Variants in SAP130 observed in about 807,000 individuals in gnomAD.
SAP130 encodes the protein histone deacetylase complex subunit SAP130.
In SAP130, 16 loss-of-function variants were observed where a neutral mutation model predicts 103.2. The observed-to-expected ratio is 0.16, with a 90% CI of 0.10 to 0.24. The LOEUF (loss-of-function observed/expected upper bound fraction) is 0.24. Among genes scored for constraint, SAP130 ranks in the 10% least tolerant of loss-of-function variants. The probability of loss-of-function intolerance (pLI) is 1.00; values close to 1 mark genes in which losing one functional copy is unlikely to be tolerated. For synonymous variants in SAP130, 477 were observed against 497.0 expected (o/e 0.96, Z 0.53); for missense variants, 990 against 1,359.7 (o/e 0.73, Z 4.28).
intron 1 of SAP130, among the ~76,000 whole-genome samples, chr2:128,026,904 C>G (rs981920488): frequency 1.3e-5 from 2 of 152,190 alleles, no homozygotes; most frequent in Admixed American, 1.3e-4. Context: ...AATCGCCCCC[C>G]ACTTTTCCCT....
In SAP130 at chr2:127,989,266, T is replaced by C. The variant is rs1300376629; in HGVS notation, c.1780+298A>G. Among the ~76,000 whole-genome samples, 2 of 151,800 alleles carry C rather than the reference T, an allele frequency of 1.3e-5. No homozygotes were observed. Among genetic ancestry groups the C allele is most frequent in the African/African-American group, 4.8e-5 (2 of 41,306 alleles). On this transcript the variant is annotated intron_variant, in intron 13 of 20. Coordinates refer to ENST00000643581, the MANE Select transcript of SAP130 (RefSeq NM_001330301.2). The surrounding 1 kb of genome is among the most constrained non-coding windows in gnomAD (Gnocchi z 4.6). Reference sequence around the variant, plus strand: ...GGCCCCCGCCACCACGCCTGGCTAATTTTTTTGTATTTTTAGTAGACAGGG... The same window carrying C: ...GGCCCCCGCCACCACGCCTGGCTAACTTTTTTGTATTTTTAGTAGACAGGG...
intron 1 of SAP130, chr2:128,027,298 C>A: frequency 1.7e-6 from 2 of 1,160,394 alleles, no homozygotes; most frequent in Non-Finnish European, 2.1e-6. Context: ...GTCCTCTTCC[C>A]CCGAACCTGC....
chr2:127,958,382 C>G (rs1679989341), intron 15 of SAP130, among the ~76,000 whole-genome samples: 1 of 152,210 alleles, frequency 6.6e-6, no homozygotes, highest in African/African-American at 2.4e-5. Flanking sequence ...CCACTGCACT[C>G]CAGCCTGGGT....
In SAP130 at chr2:127,955,998, A is replaced by AAT. The variant is rs1298076851; in HGVS notation, c.2064-656_2064-655dup. ...TGTATCTTTTCTCCCAGAATTCCTT[A>AAT]ATATATATGTTGTCTTTGGAGTTGT... On this transcript the variant is annotated intron_variant, in intron 15 of 20. Coordinates refer to ENST00000643581, the MANE Select transcript of SAP130 (RefSeq NM_001330301.2). This position sits in a 1 kb window ranked among gnomAD's most constrained non-coding sequence, Gnocchi z 4.9. Among the ~76,000 whole-genome samples the AAT allele has an allele frequency of 1.3e-5, 2 of 152,096 alleles. No homozygotes were observed. Among genetic ancestry groups the AAT allele is most frequent in the African/African-American group, 4.8e-5 (2 of 41,416 alleles).
chr2:127,974,296 G>A (rs1681299390), intron 15 of SAP130, among the ~76,000 whole-genome samples: 1 of 152,072 alleles, frequency 6.6e-6, no homozygotes, highest in Admixed American at 6.6e-5. Flanking sequence ...AGCCCACAAG[G>A]CCCTAAATAA....
intron 18 of SAP130, among the ~76,000 whole-genome samples, chr2:127,948,218 ATGTT>A: frequency 6.6e-6 from 1 of 151,696 alleles, no homozygotes; most frequent in Non-Finnish European, 1.5e-5. Context: ...TTTAATTGGT[ATGTT>A]TAGACTATTT....
chr2:127,993,136 T>C (rs1682927433), intron 12 of SAP130, 51 bp downstream of exon 12: 1 of 1,602,784 alleles, frequency 6.2e-7, no homozygotes, highest in Non-Finnish European at 8.5e-7. Flanking sequence ...TCTACATTAT[T>C]GTTGGCAAAA....
At position 127,986,847 on chromosome 2, in the gene SAP130, G is replaced by A. The variant is rs182681063; in HGVS notation, c.1896C>T (p.Asn632=). ...GTGGCGATGAGCCCTGGGCGGGAGC[G>A]TTGGTGCTAGCACTCTGGCTGTGGG... is the stretch of plus-strand genomic sequence containing the variant. ...VQTHSQSAST[N]APAQGSSPRP... The change falls in exon 14 of 21, where the codon AAC becomes AAT. Residue 632 remains asparagine, a synonymous_variant. Transcript: ENST00000643581. The surrounding 1 kb of genome is among the most constrained non-coding windows in gnomAD (Gnocchi z 4.7). The A allele has an allele frequency of 3.9e-5, 63 of 1,614,228 alleles. No homozygotes were observed. Among genetic ancestry groups the A allele is most frequent in the East Asian group, 3.8e-4 (17 of 44,886 alleles).
intron 7 of SAP130, among the ~76,000 whole-genome samples, chr2:128,000,717 A>C (rs915730592): frequency 1.3e-5 from 2 of 152,144 alleles, no homozygotes; most frequent in African/African-American, 2.4e-5. Flanking sequence ...TCCGTAACAA[A>C]CTTGAGTTAA....
At chr2:128,012,872 T>G (rs2105181410) in intron 6 of SAP130, among the ~76,000 whole-genome samples, 158 bp downstream of exon 6, 1 of 151,176 alleles carries the variant, frequency 6.6e-6, no homozygotes, top group Non-Finnish European at 1.5e-5. Context: ...ATCTCTCCTC[T>G]GCATTCTTAC....
intron 14 of SAP130, among the ~76,000 whole-genome samples, chr2:127,985,778 G>A (rs939912670): frequency 6.6e-6 from 1 of 151,820 alleles, no homozygotes; most frequent in African/African-American, 2.4e-5. Context: ...GGCCTGCTAC[G>A]CCCTGATCCT....
intron 14 of SAP130, among the ~76,000 whole-genome samples, chr2:127,980,172 C>A: frequency 6.6e-6 from 1 of 152,074 alleles, no homozygotes; most frequent in East Asian, 1.9e-4. Flanking sequence ...ACCCACCGTG[C>A]CTGGCCACAG....
At chr2:127,966,125 A>C (rs1163416035) in intron 15 of SAP130, among the ~76,000 whole-genome samples, 1 of 148,952 alleles carries the variant, frequency 6.7e-6, no homozygotes. Flanking sequence ...GGCGGATCAC[A>C]AGGTCAGGAG....
rs1680052410 is a variant in SAP130 at position 127,959,103 on chromosome 2, C to G, written c.2064-3759G>C. ...GCTGAAAATTGTGTTATATATAAAC[C>G]AAGCACAACGAGCTGCTGAAAAGTG... is the stretch of plus-strand genomic sequence containing the variant. On this transcript the variant is annotated intron_variant, in intron 15 of 20. Coordinates refer to ENST00000643581, the MANE Select transcript of SAP130 (RefSeq NM_001330301.2). Among the ~76,000 whole-genome samples, 6 of 152,180 alleles carry G rather than the reference C, an allele frequency of 3.9e-5. No homozygotes were observed. In the South Asian group the frequency reaches 1.2e-3, roughly 32 times the overall value.
rs1430690084 is a variant in SAP130 at position 127,989,273 on chromosome 2, G to A, written c.1780+291C>T. On this transcript the variant is annotated intron_variant, in intron 13 of 20. Transcript: ENST00000643581. This position sits in a 1 kb window ranked among gnomAD's most constrained non-coding sequence, Gnocchi z 4.6. ...GCCACCACGCCTGGCTAATTTTTTT[G>A]TATTTTTAGTAGACAGGGTTTTACC... 6.6e-6 allele frequency among the ~76,000 whole-genome samples: 1 copy of A among 151,586 alleles called. No homozygotes were observed. Among genetic ancestry groups the A allele is most frequent in the Non-Finnish European group, 1.5e-5 (1 of 67,900 alleles).
At position 128,024,124 on chromosome 2, in the gene SAP130, G is replaced by C. The variant is rs187363202; in HGVS notation, c.112+2057C>G. ...AATATGAGTAGATACCATCGAGCAG[G>C]AGTCATAAGTAGCTTAAAGTCACTT... On this transcript the variant is annotated intron_variant, in intron 2 of 20. Transcript: ENST00000643581. 7.7e-4 allele frequency among the ~76,000 whole-genome samples: 117 copies of C among 152,238 alleles called. 1 individual carries two copies. The Middle Eastern group carries it at 0.01, about 13-fold the overall frequency.
intron 15 of SAP130, among the ~76,000 whole-genome samples, chr2:127,960,010 C>T (rs1211383729): frequency 6.6e-6 from 1 of 152,206 alleles, no homozygotes; most frequent in Non-Finnish European, 1.5e-5. Flanking sequence ...CCCTCCTCAG[C>T]CTCCTGAGTA....
chr2:127,947,754 T>TTGTGTGTGTGTGTGTGTGTGAG (rs1491251653), intron 18 of SAP130, among the ~76,000 whole-genome samples: 1 of 28,638 alleles, frequency 3.5e-5, no homozygotes, highest in Non-Finnish European at 1.1e-4. Context: ...TAATTTTGTA[T>TTGTGTGTGTGTGTGTGTGTGAG]TGTGTGTGTC....
chr2:127,977,256 G>A (rs1681527349), intron 15 of SAP130, among the ~76,000 whole-genome samples: 1 of 150,976 alleles, frequency 6.6e-6, no homozygotes, highest in African/African-American at 2.4e-5. Context: ...TTGGGAGGCT[G>A]AGGCACGTGG....
Sources: allele counts gnomAD v4.1 joint callset (sites outside exome capture counted in the v4.1 genomes callset), GRCh38; gene constraint gnomAD v4.1.1; non-coding constraint Gnocchi (gnomAD v3.1); transcripts MANE v1.5; gene names NCBI Gene and HGNC (gene_info 2026-07-23, HGNC 2026-07-21).